The following GPR142 variants were observed in gnomAD, a reference collection of about 807,000 sequenced individuals.
GPR142 encodes G-protein coupled receptor 142 long form.
A neutral mutation model predicts 10.6 loss-of-function variants in GPR142; 9 were observed. The observed-to-expected ratio is 0.85, with a 90% CI of 0.51 to 1.48. The LOEUF is 1.48. Among genes scored for constraint, GPR142 ranks in the 40% most tolerant of loss-of-function variants. The probability of loss-of-function intolerance (pLI) is 0.00; values close to 1 mark genes in which losing one functional copy is unlikely to be tolerated. For synonymous variants in GPR142, 202 were observed against 221.2 expected, an observed-to-expected ratio of 0.91 and a Z score of 0.77; for missense variants, 482 against 506.0, an observed-to-expected ratio of 0.95 and a Z score of 0.45.
rs370977404 is a variant in GPR142 at position 74,369,482 on chromosome 17, T to C, written c.-59T>C. Reference sequence around the variant, plus strand: ...TGCACTAACAGGCTCAGTGTCTGCGTAAGGATCCTGGGGCAAACAACCACT... The same window carrying C: ...TGCACTAACAGGCTCAGTGTCTGCGCAAGGATCCTGGGGCAAACAACCACT... On this transcript the variant is annotated 5_prime_UTR_variant, in exon 2 of 4. An upstream open reading frame in the 5' UTR loses its in-frame stop. Coordinates refer to ENST00000582579, the MANE Select transcript of GPR142 (RefSeq NM_001331076.1). The C allele has an allele frequency of 6.4e-7, 1 of 1,556,538 alleles. No individual in the cohort carries two copies. The highest frequency in any genetic ancestry group is 8.7e-7 in the Non-Finnish European group (1 of 1,149,496).
At chr17:74,367,859 C>G (rs1046575548) in intron 1 of GPR142, 65 bp downstream of exon 1, 2 of 1,401,322 alleles carry the variant, frequency 1.4e-6, no homozygotes, top group African/African-American at 2.9e-5. Context: ...TCCTCCATCT[C>G]TCCCTCTCCT....
rs767986454 is a variant in GPR142, at chr17:74,370,553, C to T, written c.127C>T (p.Pro43Ser). ...GCCACGAGTGACCCTGCTGCCCACG[C>T]CCCACGTCAGCGGGCTGAGCCAGGA... ...GQPRVTLLPTPHVSGLSQEFE... is the reference protein window; with the variant it reads ...GQPRVTLLPTSHVSGLSQEFE... Residue 43 changes from proline to serine, a missense_variant, in exon 3 of 4, where the codon CCC (proline) becomes TCC (serine). Coordinates refer to ENST00000582579, the MANE Select transcript of GPR142 (RefSeq NM_001331076.1). 1 of 1,613,028 alleles carries T rather than the reference C, an allele frequency of 6.2e-7. No individual in the cohort carries two copies. Among genetic ancestry groups the T allele is most frequent in the Non-Finnish European group, 8.5e-7 (1 of 1,179,526 alleles).
chr17:74,367,650 TGTCTCAGCCA>T lies in GPR142; in HGVS notation c.-217_-208del. On this transcript the variant is annotated 5_prime_UTR_variant, in exon 1 of 4. An upstream open reading frame in the 5' UTR gains an earlier in-frame stop. Transcript: ENST00000582579. The stretch of plus-strand genomic sequence containing the variant: ...CCATGCACAGAAAAGCCAGCATTCT[TGTCTCAGCCA>T]TTCCAGGTGGCTGAGGTCTCCACAG... The T allele has an allele frequency of 1.2e-6, 2 of 1,614,134 alleles. No individual in the cohort carries two copies. The highest frequency in any genetic ancestry group is 1.7e-6 in the Non-Finnish European group (2 of 1,180,028).
intron 1 of GPR142, 61 bp downstream of exon 1, chr17:74,367,855 A>G: frequency 7.0e-7 from 1 of 1,429,168 alleles, no homozygotes; most frequent in East Asian, 2.4e-5. Flanking sequence ...CCCCTCCTCC[A>G]TCTCTCCCTC....
chr17:74,372,372 C>A lies in GPR142; in HGVS notation c.897C>A (p.His299Gln). 6.2e-7 allele frequency: 1 copy of A among 1,614,146 alleles called. No homozygotes were observed. Among genetic ancestry groups the A allele is most frequent in the Non-Finnish European group, 8.5e-7 (1 of 1,179,990 alleles). Residue 299 changes from histidine to glutamine, a missense_variant, in exon 4 of 4, where the codon CAC (histidine) becomes CAA (glutamine). Coordinates refer to ENST00000582579, the MANE Select transcript of GPR142 (RefSeq NM_001331076.1). ...ACCACATGTACGTGGCCCCTGTCCACCGGGACTGGAGGGTCCACCTGGCCT... is the reference window on the plus strand; with the variant it reads ...ACCACATGTACGTGGCCCCTGTCCAACGGGACTGGAGGGTCCACCTGGCCT... The part of the protein sequence containing the change: ...MLYHMYVAPV[H>Q]RDWRVHLALD...
chr17:74,369,618 T>TG lies in GPR142; in HGVS notation c.79dup (p.Glu27GlyfsTer27). 6.5e-7 allele frequency: 1 copy of TG among 1,548,220 alleles called. No individual in the cohort carries two copies. Among genetic ancestry groups the TG allele is most frequent in the Non-Finnish European group, 8.7e-7 (1 of 1,145,986 alleles). Reference sequence around the variant, plus strand: ...ACTCAGGGCCCCAGAGCATGGGGCTTGAGGGACGAGAGACAGGTAAGGCAT... The same window carrying TG: ...ACTCAGGGCCCCAGAGCATGGGGCTTGGAGGGACGAGAGACAGGTAAGGCAT... On this transcript the variant is annotated frameshift_variant, in exon 2 of 4. Transcript: ENST00000582579. LOFTEE classifies it high-confidence loss of function.
intron 1 of GPR142, 89 bp downstream of exon 1, chr17:74,367,883 G>A: frequency 7.9e-7 from 1 of 1,266,462 alleles, no homozygotes; most frequent in Non-Finnish European, 1.1e-6. Context: ...TCTGAATCCA[G>A]GGAGCTCTAG....
At position 74,369,637 on chromosome 17, in the gene GPR142, A is replaced by G; in HGVS notation, c.94+3A>G. On this transcript the variant is annotated splice_donor_region_variant and intron_variant, in intron 2 of 3. Coordinates refer to ENST00000582579, the MANE Select transcript of GPR142 (RefSeq NM_001331076.1). ...GGGGCTTGAGGGACGAGAGACAGGTAAGGCATCTTGAAGTGGGGTGTGCTG... is the reference window on the plus strand; with the variant it reads ...GGGGCTTGAGGGACGAGAGACAGGTGAGGCATCTTGAAGTGGGGTGTGCTG... The G allele has an allele frequency of 6.5e-7, 1 of 1,544,432 alleles. No homozygotes were observed. Among genetic ancestry groups the G allele is most frequent in the South Asian group, 1.2e-5 (1 of 83,682 alleles).
Position 74,372,504 on chromosome 17 carries a change from T to G in GPR142, c.1029T>G (p.Asp343Glu). The G allele has an allele frequency of 6.2e-7, 1 of 1,613,580 alleles. No homozygotes were observed. Among genetic ancestry groups the G allele is most frequent in the Non-Finnish European group, 8.5e-7 (1 of 1,180,048 alleles). The part of the protein sequence containing the change: ...FRATVRQVIH[D>E]AYLPCTLASQ... ...CCACTGTCCGACAGGTCATCCACGA[T>G]GCCTACCTGCCCTGCACTTTGGCAT... Residue 343 changes from aspartate to glutamate, a missense_variant, in exon 4 of 4, where the codon GAT (aspartate) becomes GAG (glutamate). Asp to Glu is a conservative substitution (Grantham distance 45). Coordinates refer to ENST00000582579, the MANE Select transcript of GPR142 (RefSeq NM_001331076.1).
chr17:74,367,909 G>A, intron 1 of GPR142, 115 bp downstream of exon 1: 1 of 993,334 alleles, frequency 1.0e-6, no homozygotes, highest in Non-Finnish European at 1.4e-6. Context: ...TGTGTAGCCT[G>A]TGTGACAGCC....
At chr17:74,369,378 C>A in intron 1 of GPR142, 90 bp from the exon 2 acceptor site, 1 of 1,314,988 alleles carries the variant, frequency 7.6e-7, no homozygotes. Context: ...CTGGTTTGCT[C>A]CACCAGCATC....
At position 74,372,238 on chromosome 17, in the gene GPR142, A is replaced by AGGGGCCGGAGTGGGCTGC. The variant is rs759939219; in HGVS notation, c.764_781dup (p.Arg255_Leu260dup). Reference sequence around the variant, plus strand: ...GGCCATCATCCACCGGCTACGGAGGAGGGGCCGGAGTGGGCTGCAGCCCCG... The same window carrying AGGGGCCGGAGTGGGCTGC: ...GGCCATCATCCACCGGCTACGGAGGAGGGGCCGGAGTGGGCTGCGGGGCCGGAGTGGGCTGCAGCCCCG... On this transcript the variant is annotated inframe_insertion, in exon 4 of 4. Transcript: ENST00000582579. 1 of 1,613,592 alleles carries AGGGGCCGGAGTGGGCTGC rather than the reference A, an allele frequency of 6.2e-7. No homozygotes were observed. The highest frequency in any genetic ancestry group is 1.3e-5 in the African/African-American group (1 of 74,896).
Position 74,370,613 on chromosome 17 carries a change from TC to T in GPR142, c.191del (p.Pro64ArgfsTer25), listed in dbSNP as rs777583208. On this transcript the variant is annotated frameshift_variant, in exon 3 of 4. Coordinates refer to ENST00000582579, the MANE Select transcript of GPR142 (RefSeq NM_001331076.1). LOFTEE classifies it high-confidence loss of function. ...CCACTGGCCAGAGATCGCAGAGAGGTCCCCGTGTGTGGCTGGCGTCATCCCT... is the reference window on the plus strand; with the variant it reads ...CCACTGGCCAGAGATCGCAGAGAGGTCCCGTGTGTGGCTGGCGTCATCCCT... The part of the protein sequence containing the change: ...ESHWPEIAER[S>X]PCVAGVIPVI... 58 of 1,613,836 alleles carry T rather than the reference TC, an allele frequency of 3.6e-5. 1 individual carries two copies. In the East Asian group the frequency reaches 1.2e-3, roughly 32 times the overall value.
intron 1 of GPR142, among the ~76,000 whole-genome samples, chr17:74,368,093 C>A (rs2054994512): frequency 6.6e-6 from 1 of 152,174 alleles, no homozygotes; most frequent in African/African-American, 2.4e-5. Context: ...CCAGCCTCGG[C>A]AACACAGCGA....
Position 74,370,685 on chromosome 17 carries a change from T to C in GPR142, c.253+6T>C, listed in dbSNP as rs2055017487. 1 of 1,607,896 alleles carries C rather than the reference T, an allele frequency of 6.2e-7. No homozygotes were observed. Among genetic ancestry groups the C allele is most frequent in the Non-Finnish European group, 8.5e-7 (1 of 1,176,312 alleles). ...GCTGGGCTTGGGGCTGCCTGGTGAG[T>C]GGGGAGCTGGGGTCTGGGGACTTGG... is the stretch of plus-strand genomic sequence containing the variant. On this transcript the variant is annotated splice_donor_region_variant and intron_variant, in intron 3 of 3. Coordinates refer to ENST00000582579, the MANE Select transcript of GPR142 (RefSeq NM_001331076.1).
Position 74,370,611 on chromosome 17 carries a change from G to C in GPR142, c.185G>C (p.Arg62Thr). ...FESHWPEIAE[R>T]SPCVAGVIPV... ...AGCCACTGGCCAGAGATCGCAGAGA[G>C]GTCCCCGTGTGTGGCTGGCGTCATC... is the stretch of plus-strand genomic sequence containing the variant. The change falls in exon 3 of 4, where the codon AGG becomes ACG. Residue 62 changes from arginine to threonine, a missense_variant. Arg to Thr is a moderately conservative substitution (Grantham distance 71). Transcript: ENST00000582579. 1 of 1,614,136 alleles carries C rather than the reference G, an allele frequency of 6.2e-7. No individual in the cohort carries two copies. The highest frequency in any genetic ancestry group is 8.5e-7 in the Non-Finnish European group (1 of 1,180,012).
chr17:74,369,612 G>A lies in GPR142; in HGVS notation c.72G>A (p.Met24Ile). Residue 24 changes from methionine (M) to isoleucine (I), a missense_variant, in exon 2 of 4, where the codon ATG becomes ATA. Physicochemically the swap from Met to Ile is conservative, Grantham distance 10. Transcript: ENST00000582579. ...QVTQDSGPQSMGLEGRETAGQ... is the reference protein window; with the variant it reads ...QVTQDSGPQSIGLEGRETAGQ... Reference sequence around the variant, plus strand: ...CCCAGGACTCAGGGCCCCAGAGCATGGGGCTTGAGGGACGAGAGACAGGTA... The same window carrying A: ...CCCAGGACTCAGGGCCCCAGAGCATAGGGCTTGAGGGACGAGAGACAGGTA... 1.3e-6 allele frequency: 2 copies of A among 1,548,790 alleles called. No individual in the cohort carries two copies. Among genetic ancestry groups the A allele is most frequent in the African/African-American group, 2.7e-5 (2 of 72,876 alleles).
Position 74,371,861 on chromosome 17 carries a change from T to C in GPR142, c.386T>C (p.Leu129Pro), listed in dbSNP as rs2055029236. The change falls in exon 4 of 4, where the codon CTG (leucine) becomes CCG (proline). Residue 129 changes from leucine to proline, a missense_variant. Leu to Pro is a moderately conservative substitution (Grantham distance 98). Coordinates refer to ENST00000582579, the MANE Select transcript of GPR142 (RefSeq NM_001331076.1). ...QVVIVFAGFL[L>P]QGAVLARQVP... The stretch of plus-strand genomic sequence containing the variant: ...GTCATCGTGTTCGCGGGCTTCCTCC[T>C]GCAGGGAGCAGTGCTGGCCCGCCAG... 10 of 1,613,528 alleles carry C rather than the reference T, an allele frequency of 6.2e-6. No homozygotes were observed. Among genetic ancestry groups the C allele is most frequent in the Non-Finnish European group, 7.6e-6 (9 of 1,180,024 alleles).
chr17:74,371,910 G>C lies in GPR142; in HGVS notation c.435G>C (p.Thr145=), dbSNP rs368419154. The C allele has an allele frequency of 6.2e-7, 1 of 1,612,840 alleles. No individual in the cohort carries two copies. The highest frequency in any genetic ancestry group is 1.1e-5 in the South Asian group (1 of 91,072). The change falls in exon 4 of 4, where the codon ACG becomes ACC. Residue 145 remains threonine (T), a synonymous_variant. Coordinates refer to ENST00000582579, the MANE Select transcript of GPR142 (RefSeq NM_001331076.1). ...AGGTGCCCCAGGCTGTGGTGCGCAC[G>C]GCCAACATCCTGGAGTTTGCTGCCA... ...ARQVPQAVVR[T]ANILEFAANH...
Sources: allele counts gnomAD v4.1 joint callset (sites outside exome capture counted in the v4.1 genomes callset), GRCh38; gene constraint gnomAD v4.1.1; transcripts MANE v1.5; gene names NCBI Gene and HGNC (gene_info 2026-07-23, HGNC 2026-07-21).